The following PTPRJ variants were observed in gnomAD, a reference collection of about 807,000 sequenced individuals.
PTPRJ encodes receptor-type tyrosine-protein phosphatase eta.
In PTPRJ, 129 loss-of-function variants were observed where a neutral mutation model predicts 141.3. The ratio of observed to expected loss-of-function variants is 0.91; its 90% CI spans 0.79 to 1.06. PTPRJ has a LOEUF of 1.06. Among genes scored for constraint, PTPRJ ranks in the 50% least tolerant of loss-of-function variants. The pLI, the probability that PTPRJ is intolerant of heterozygous loss-of-function variation, is 0.00. For synonymous variants in PTPRJ, 610 were observed against 640.5 expected, an observed-to-expected ratio of 0.95 and a Z score of 0.72; for missense variants, 1,601 against 1,679.7, an observed-to-expected ratio of 0.95 and a Z score of 0.82.
intron 3 of PTPRJ, among the ~76,000 whole-genome samples, chr11:48,115,469 G>A (rs1233824014): frequency 6.6e-6 from 1 of 151,898 alleles, no homozygotes; most frequent in Admixed American, 6.6e-5. Flanking sequence ...CATCAAAAAT[G>A]AAGGCAAGAT....
chr11:48,006,720 G>T (rs1397168124), intron 1 of PTPRJ, among the ~76,000 whole-genome samples: 1 of 152,116 alleles, frequency 6.6e-6, no homozygotes, highest in Non-Finnish European at 1.5e-5. Context: ...TTGCCTATCT[G>T]GGCCTGTCTC....
At chr11:47,984,276 T>C (rs754266592) in intron 1 of PTPRJ, among the ~76,000 whole-genome samples, 11 of 152,230 alleles carry the variant, frequency 7.2e-5, no homozygotes, top group Non-Finnish European at 1.3e-4. Flanking sequence ...TTGCTTGAGG[T>C]TGGGGCTGAG....
chr11:48,126,803 C>T (rs1201771026), intron 6 of PTPRJ, among the ~76,000 whole-genome samples: 11 of 141,302 alleles, frequency 7.8e-5, no homozygotes, highest in African/African-American at 2.3e-4. Context: ...CACACACACA[C>T]ACACACACAC....
At chr11:47,985,671 CATTTATTTATTTATTT>C (rs139376265) in intron 1 of PTPRJ, among the ~76,000 whole-genome samples, 51 of 136,056 alleles carry the variant, frequency 3.7e-4, no homozygotes, top group Middle Eastern at 3.6e-3. Flanking sequence ...AGGTGGCAGA[CATTTATTTATTTATTT>C]ATTTATTTAT....
Position 48,123,708 on chromosome 11 carries a change from G to C in PTPRJ, c.712G>C (p.Val238Leu). 1.2e-6 allele frequency: 2 copies of C among 1,614,156 alleles called. No individual in the cohort carries two copies. The highest frequency in any genetic ancestry group is 1.1e-5 in the South Asian group (1 of 91,080). Residue 238 changes from valine (V) to leucine (L), a missense_variant, in exon 5 of 25, where the codon GTT (valine) becomes CTT (leucine). Physicochemically the swap from Val to Leu is conservative, Grantham distance 32 (BLOSUM62 1). Coordinates refer to ENST00000418331, the MANE Select transcript of PTPRJ (RefSeq NM_002843.4). ...TGGCAATGGCACTGCCTCCTGCCGG[G>C]TTCTTCTTGAAAGCATTGGAAGCCA... ...SNGNGTASCR[V>L]LLESIGSHEE...
At chr11:48,082,996 C>G in intron 1 of PTPRJ, among the ~76,000 whole-genome samples, 1 of 152,084 alleles carries the variant, frequency 6.6e-6, no homozygotes, top group Non-Finnish European at 1.5e-5. Context: ...GGTGGAGGCC[C>G]TAAGTGAGAT....
At chr11:48,138,994 A>G (rs1387145756) in intron 10 of PTPRJ, among the ~76,000 whole-genome samples, 3 of 152,128 alleles carry the variant, frequency 2.0e-5, no homozygotes, top group Admixed American at 1.3e-4. Context: ...TCAACTGGGT[A>G]TGGTGGTGCA....
At chr11:48,110,590 T>C (rs977013260) in intron 2 of PTPRJ, among the ~76,000 whole-genome samples, 3 of 152,238 alleles carry the variant, frequency 2.0e-5, no homozygotes, top group African/African-American at 7.2e-5. Context: ...AAAATTTATA[T>C]TTTCTGTAAT....
chr11:48,153,842 T>G lies in PTPRJ; in HGVS notation c.3185T>G (p.Leu1062Arg), dbSNP rs780300657. 7 of 1,613,944 alleles carry G rather than the reference T, an allele frequency of 4.3e-6. No individual in the cohort carries two copies. Residue 1062 changes from leucine (L) to arginine (R), a missense_variant, in exon 19 of 25, where the codon CTG becomes CGG. Coordinates refer to ENST00000418331, the MANE Select transcript of PTPRJ (RefSeq NM_002843.4). ...GISQPKYAAELAENRGKNRYN... is the reference protein window; with the variant it reads ...GISQPKYAAERAENRGKNRYN... ...AGTCAACCTAAATATGCAGCAGAAC[T>G]GGCTGAGAATAGAGGAAAGAATCGC...
chr11:48,133,956 G>C (rs981073944), intron 8 of PTPRJ, among the ~76,000 whole-genome samples: 5 of 152,310 alleles, frequency 3.3e-5, no homozygotes, highest in Admixed American at 3.3e-4. Flanking sequence ...GTTCAGAGGA[G>C]GGAGTGGGCA....
intron 1 of PTPRJ, among the ~76,000 whole-genome samples, chr11:48,003,473 A>T (rs1590395989): frequency 7.6e-6 from 1 of 131,466 alleles, no homozygotes; most frequent in African/African-American, 2.9e-5. Context: ...TATTATCATT[A>T]AAAAAAAAAG....
chr11:48,010,945 G>A (rs1854767666), intron 1 of PTPRJ, among the ~76,000 whole-genome samples: 1 of 152,078 alleles, frequency 6.6e-6, no homozygotes, highest in Non-Finnish European at 1.5e-5. Context: ...CAATTGAGTA[G>A]CTGGGATTAC....
intron 1 of PTPRJ, among the ~76,000 whole-genome samples, chr11:48,034,589 G>C (rs1433281129): frequency 6.6e-6 from 1 of 152,150 alleles, no homozygotes; most frequent in African/African-American, 2.4e-5. Context: ...TGCATATACT[G>C]TATAAAGCTT....
intron 1 of PTPRJ, among the ~76,000 whole-genome samples, chr11:48,093,086 G>T (rs958703635): frequency 7.2e-5 from 11 of 152,276 alleles, no homozygotes; most frequent in Non-Finnish European, 1.3e-4. Flanking sequence ...AATCAACTCA[G>T]TGTGTTACTC....
At chr11:48,163,394 C>G in intron 22 of PTPRJ, 64 bp from the exon 23 acceptor site, 6 of 1,512,770 alleles carry the variant, frequency 4.0e-6, no homozygotes, top group Non-Finnish European at 5.5e-6. Context: ...TTGATTTCCC[C>G]TGCCTTTTTG....
chr11:48,043,516 G>T lies in PTPRJ; in HGVS notation c.96+62508G>T, dbSNP rs569915326. Among the ~76,000 whole-genome samples, 10 of 152,324 alleles carry T rather than the reference G, an allele frequency of 6.6e-5. No homozygotes were observed. The East Asian group carries it at 1.7e-3, about 26-fold the overall frequency. On this transcript the variant is annotated intron_variant, in intron 1 of 24. Coordinates refer to ENST00000418331, the MANE Select transcript of PTPRJ (RefSeq NM_002843.4). ...ATCAGTGAGTGAGGGGAAAGCAGTGGTTTTTTGTCTTGAGAAGAAGTTCAG... is the reference window on the plus strand; with the variant it reads ...ATCAGTGAGTGAGGGGAAAGCAGTGTTTTTTTGTCTTGAGAAGAAGTTCAG...
intron 1 of PTPRJ, among the ~76,000 whole-genome samples, chr11:48,057,532 G>C (rs1175950018): frequency 6.6e-6 from 1 of 152,086 alleles, no homozygotes; most frequent in Non-Finnish European, 1.5e-5. Context: ...GCAGCCTTGG[G>C]TACCCAGAGG....
At chr11:48,041,220 TGCTTAGC>T (rs1274559581) in intron 1 of PTPRJ, among the ~76,000 whole-genome samples, 4 of 151,996 alleles carry the variant, frequency 2.6e-5, no homozygotes, top group Non-Finnish European at 4.4e-5. Context: ...CCCAACTCAA[TGCTTAGC>T]ACCCAGCAGG....
intron 3 of PTPRJ, among the ~76,000 whole-genome samples, chr11:48,114,793 C>CT (rs1188519241): frequency 6.6e-6 from 1 of 152,062 alleles, no homozygotes; most frequent in African/African-American, 2.4e-5. Context: ...GCCTAGCAAA[C>CT]TTTAAGAAAA....
Sources: gnomAD v4.1 joint callset for allele counts (sites outside exome capture counted in the v4.1 genomes callset) on GRCh38, gnomAD v4.1.1 for gene constraint, MANE v1.5 for transcripts, NCBI Gene and HGNC (gene_info 2026-07-23, HGNC 2026-07-21) for gene names.